The following PABPC4L variants were observed in gnomAD, a reference collection of about 807,000 sequenced individuals.
PABPC4L encodes poly(A) binding protein cytoplasmic 4 like.
For missense variants in PABPC4L, 452 were observed against 451.4 expected (o/e 1.00, Z -0.01); for synonymous variants, 169 against 164.1 (o/e 1.03, Z -0.23).
At chr4:133,994,911 T>C in the PABPC4L span, among the ~76,000 whole-genome samples, 1 of 152,206 alleles carries the variant, frequency 6.6e-6, no homozygotes, top group Non-Finnish European at 1.5e-5. Flanking sequence ...CTAATCCCAC[T>C]GTTCCCAGAG....
At chr4:134,105,298 C>T in the PABPC4L span, among the ~76,000 whole-genome samples, 2 of 151,524 alleles carry the variant, frequency 1.3e-5, no homozygotes, top group African/African-American at 4.8e-5. Flanking sequence ...AGTTTTTAAA[C>T]AAAAATAGCC....
At chr4:134,186,299 G>A in the PABPC4L span, among the ~76,000 whole-genome samples, 1 of 152,056 alleles carries the variant, frequency 6.6e-6, no homozygotes, top group South Asian at 2.1e-4. Flanking sequence ...ATACTACAAG[G>A]CTACAGTAAC....
the PABPC4L span, among the ~76,000 whole-genome samples, chr4:134,038,001 A>G: frequency 1.3e-5 from 2 of 152,160 alleles, no homozygotes; most frequent in Non-Finnish European, 2.9e-5. Context: ...CGTTTCATCA[A>G]TACTTAGTTT....
chr4:134,188,118 G>A, the PABPC4L span, among the ~76,000 whole-genome samples: 1 of 151,678 alleles, frequency 6.6e-6, no homozygotes, highest in African/African-American at 2.4e-5. Context: ...GTGCAGGGGT[G>A]TTTGTGTGTG....
chr4:133,972,421 T>C, the PABPC4L span, among the ~76,000 whole-genome samples: 2 of 152,092 alleles, frequency 1.3e-5, no homozygotes, highest in Non-Finnish European at 2.9e-5. Context: ...ACCCCCCTGT[T>C]TTCACACTCC....
At chr4:134,192,378 G>A (rs1217229543), downstream of PABPC4L, among the ~76,000 whole-genome samples, 1 of 152,108 alleles carries the variant, frequency 6.6e-6, no homozygotes, top group African/African-American at 2.4e-5. Context: ...AGGCTGTGGA[G>A]AGATGAGACT....
the PABPC4L span, among the ~76,000 whole-genome samples, chr4:134,121,303 C>A: frequency 6.6e-6 from 1 of 151,068 alleles, no homozygotes; most frequent in Non-Finnish European, 1.5e-5. Context: ...TTATTATTTA[C>A]TTTTAAATTT....
chr4:134,062,555 G>C, the PABPC4L span, among the ~76,000 whole-genome samples: 1 of 151,936 alleles, frequency 6.6e-6, no homozygotes, highest in East Asian at 1.9e-4. Context: ...ACAAATTGAT[G>C]TTACTAGTAA....
the PABPC4L span, among the ~76,000 whole-genome samples, chr4:134,135,072 A>C: frequency 6.6e-6 from 1 of 152,154 alleles, no homozygotes; most frequent in African/African-American, 2.4e-5. Flanking sequence ...AAATGTTTGC[A>C]AAAAGGGAAT....
the PABPC4L span, among the ~76,000 whole-genome samples, chr4:134,040,691 A>G: frequency 6.6e-6 from 1 of 152,188 alleles, no homozygotes; most frequent in Non-Finnish European, 1.5e-5. Context: ...CTAAAACACC[A>G]AAAGCAATGG....
chr4:134,036,444 T>C, the PABPC4L span, among the ~76,000 whole-genome samples: 2 of 152,146 alleles, frequency 1.3e-5, no homozygotes, highest in Non-Finnish European at 2.9e-5. Context: ...ATAAGTATAG[T>C]ACTGGGCAAG....
chr4:133,989,860 G>C, the PABPC4L span, among the ~76,000 whole-genome samples: 1 of 152,068 alleles, frequency 6.6e-6, no homozygotes, highest in Non-Finnish European at 1.5e-5. Context: ...TGCAGGGCTG[G>C]GAAGGCCTCA....
At chr4:134,170,818 A>T in the PABPC4L span, among the ~76,000 whole-genome samples, 1 of 152,192 alleles carries the variant, frequency 6.6e-6, no homozygotes, top group South Asian at 2.1e-4. Context: ...ACAATATCAT[A>T]GAATGATTTC....
At chr4:134,079,711 GAGAA>G in the PABPC4L span, among the ~76,000 whole-genome samples, 1 of 151,112 alleles carries the variant, frequency 6.6e-6, no homozygotes, top group East Asian at 1.9e-4. Context: ...GAGAGAGAGA[GAGAA>G]AGAGAGAGAG....
At chr4:134,077,491 ATGAC>A in the PABPC4L span, among the ~76,000 whole-genome samples, 1 of 152,202 alleles carries the variant, frequency 6.6e-6, no homozygotes, top group East Asian at 1.9e-4. Context: ...CTTAGATAGA[ATGAC>A]TGACCTTGTT....
chr4:134,188,490 C>T, the PABPC4L span, among the ~76,000 whole-genome samples: 1 of 152,072 alleles, frequency 6.6e-6, no homozygotes, highest in East Asian at 1.9e-4. Context: ...GGAAGGTGTA[C>T]TGGCAACAAA....
chr4:134,089,536 T>C, the PABPC4L span, among the ~76,000 whole-genome samples: 2 of 152,156 alleles, frequency 1.3e-5, no homozygotes, highest in African/African-American at 4.8e-5. Flanking sequence ...TTTATAATTG[T>C]TCTATTTTAT....
the PABPC4L span, among the ~76,000 whole-genome samples, chr4:134,063,472 G>T: frequency 1.3e-5 from 2 of 151,928 alleles, no homozygotes; most frequent in Admixed American, 6.6e-5. Context: ...TAAATACATG[G>T]GTAACCTAAA....
the PABPC4L span, among the ~76,000 whole-genome samples, chr4:134,027,392 A>G: frequency 1.3e-5 from 2 of 152,140 alleles, no homozygotes; most frequent in Non-Finnish European, 2.9e-5. Flanking sequence ...CAGGTGTCAG[A>G]CATATAAGTA....
Sources: gnomAD v4.1 joint callset for allele counts (sites outside exome capture counted in the v4.1 genomes callset) on GRCh38, gnomAD v4.1.1 for gene constraint, MANE v1.5 for transcripts, NCBI Gene and HGNC (gene_info 2026-07-23, HGNC 2026-07-21) for gene names.